WDR47: variants seen among roughly 807,000 people sequenced by gnomAD.
WDR47 encodes the protein WD repeat domain 47, also known as WD repeat-containing protein 47.
A neutral mutation model predicts 97.2 loss-of-function variants in WDR47; 32 were observed. The ratio of observed to expected loss-of-function variants is 0.33; its 90% confidence interval spans 0.25 to 0.44. The LOEUF is 0.44. Ranked by LOEUF, WDR47 falls within the 20% of genes least tolerant of loss-of-function variation. The pLI is 1.00. For synonymous variants in WDR47, 375 were observed against 373.5 expected (o/e 1.00, Z -0.05); for missense variants, 782 against 1,102.3 (o/e 0.71, Z 4.11).
chr1:108,994,039 T>C (rs1328773676), intron 8 of WDR47, among the ~76,000 whole-genome samples: 1 of 151,890 alleles, frequency 6.6e-6, no homozygotes, highest in Non-Finnish European at 1.5e-5. Flanking sequence ...ATACTGAAAA[T>C]AAGGGATAGA....
chr1:108,981,676 G>A (rs1336420386), intron 13 of WDR47, 57 bp downstream of exon 13: 1 of 1,520,942 alleles, frequency 6.6e-7, no homozygotes, highest in Non-Finnish European at 8.9e-7. Context: ...AGAAGAAGTA[G>A]ACTAGTCTAA....
At chr1:109,041,141 C>A (rs560786108) in intron 1 of WDR47, among the ~76,000 whole-genome samples, 16 of 152,108 alleles carry the variant, frequency 1.1e-4, no homozygotes, top group African/African-American at 3.4e-4. Context: ...GCCCCCGCCC[C>A]CTTTGCCCAT....
chr1:109,028,763 T>C (rs1662406242), intron 1 of WDR47, among the ~76,000 whole-genome samples: 1 of 152,088 alleles, frequency 6.6e-6, no homozygotes, highest in South Asian at 2.1e-4. Flanking sequence ...AAAAAACTTT[T>C]TTTAAAAAAC....
At chr1:109,014,259 T>C (rs897762620) in intron 3 of WDR47, among the ~76,000 whole-genome samples, 1 of 152,148 alleles carries the variant, frequency 6.6e-6, no homozygotes, top group Non-Finnish European at 1.5e-5. Flanking sequence ...AATAATAGTA[T>C]ATATTTATGG....
intron 3 of WDR47, among the ~76,000 whole-genome samples, chr1:109,014,672 C>A (rs1661290761): frequency 1.3e-5 from 2 of 152,068 alleles, no homozygotes; most frequent in Non-Finnish European, 2.9e-5. Context: ...TGGCTTCAAG[C>A]AATTCTCCTG....
At chr1:108,990,082 T>C (rs1490125200) in intron 9 of WDR47, among the ~76,000 whole-genome samples, 1 of 152,114 alleles carries the variant, frequency 6.6e-6, no homozygotes, top group Non-Finnish European at 1.5e-5. Flanking sequence ...GAAAATCAGG[T>C]CAGGTGCAGT....
chr1:109,002,072 G>T, intron 7 of WDR47, 152 bp downstream of exon 7: 2 of 846,120 alleles, frequency 2.4e-6, no homozygotes, highest in Non-Finnish European at 1.7e-6. Context: ...CCCTCGGAAT[G>T]CTGTGACTAG....
chr1:108,976,478 C>T (rs959046547), intron 13 of WDR47, among the ~76,000 whole-genome samples: 1 of 151,890 alleles, frequency 6.6e-6, no homozygotes, highest in Admixed American at 6.6e-5. Context: ...AATCTTCATT[C>T]GTTTACTCAA....
chr1:109,009,858 C>T (rs561257052), intron 5 of WDR47, among the ~76,000 whole-genome samples: 2 of 151,982 alleles, frequency 1.3e-5, no homozygotes, highest in African/African-American at 2.4e-5. Context: ...ATTAGTTGGG[C>T]GTGGTGGCGG....
At chr1:108,992,520 A>G in intron 8 of WDR47, 1 of 1,513,048 alleles carries the variant, frequency 6.6e-7, no homozygotes, top group South Asian at 1.1e-5. Context: ...GGCTGGACAC[A>G]AGGTCGGTGG....
intron 3 of WDR47, among the ~76,000 whole-genome samples, chr1:109,015,965 AGAGT>A (rs1661383602): frequency 1.4e-5 from 2 of 141,204 alleles, no homozygotes; most frequent in Admixed American, 7.4e-5. Context: ...CCTGGGTGAC[AGAGT>A]GAGACTCCAT....
At chr1:108,980,468 CCT>C (rs1437788333) in intron 13 of WDR47, among the ~76,000 whole-genome samples, 1 of 152,142 alleles carries the variant, frequency 6.6e-6, no homozygotes, top group Non-Finnish European at 1.5e-5. Context: ...GTAGCTCACA[CCT>C]GTAATCCCAG....
chr1:109,014,162 C>T (rs1457929088), intron 3 of WDR47, among the ~76,000 whole-genome samples: 2 of 152,006 alleles, frequency 1.3e-5, no homozygotes, highest in Non-Finnish European at 2.9e-5. Context: ...TGGAAGATAT[C>T]AAATGTTACC....
chr1:109,010,555 C>G (rs1223643928), intron 5 of WDR47, among the ~76,000 whole-genome samples: 2 of 150,818 alleles, frequency 1.3e-5, no homozygotes, highest in Non-Finnish European at 3.0e-5. Flanking sequence ...ATTAGATTAT[C>G]TCAAACTTCT....
At chr1:108,997,460 G>T (rs1288830243) in intron 7 of WDR47, among the ~76,000 whole-genome samples, 9 of 150,918 alleles carry the variant, frequency 6.0e-5, no homozygotes, top group Non-Finnish European at 1.3e-4. Flanking sequence ...GAAAAAAAAG[G>T]AAAGAAAGAA....
intron 4 of WDR47, 37 bp downstream of exon 4, chr1:109,013,804 A>T (rs1048162319): frequency 5.1e-5 from 81 of 1,603,762 alleles, no homozygotes; most frequent in Non-Finnish European, 6.8e-5. Flanking sequence ...ACTGAAAACA[A>T]GACTAGGGCG....
chr1:109,012,100 A>G (rs543825910), intron 4 of WDR47, among the ~76,000 whole-genome samples: 2 of 152,254 alleles, frequency 1.3e-5, no homozygotes, highest in East Asian at 1.9e-4. Context: ...GGTGTGCCAC[A>G]CTGTGCCCAG....
chr1:109,017,611 A>C lies in WDR47; in HGVS notation c.159-10T>G, dbSNP rs767596288. 20 of 1,600,964 alleles carry C rather than the reference A, an allele frequency of 1.2e-5. No homozygotes were observed. In the South Asian group the frequency reaches 1.9e-4, roughly 15 times the overall value. On this transcript the variant is annotated splice_polypyrimidine_tract_variant and intron_variant, in intron 2 of 14. Coordinates refer to ENST00000369962, the MANE Select transcript of WDR47 (RefSeq NM_001142551.2). ...ATCAAGTATTAGCTGCCTAAATAAA[A>C]AATTTAAAAAAACCAGCATGTCACC... is the stretch of plus-strand genomic sequence containing the variant.
At chr1:108,997,154 G>A (rs185448964) in intron 7 of WDR47, among the ~76,000 whole-genome samples, 22 of 151,456 alleles carry the variant, frequency 1.5e-4, no homozygotes, top group African/African-American at 5.3e-4. Context: ...GGCCAGGAGC[G>A]ATGGCTCACG....
Sources: allele counts gnomAD v4.1 joint callset (sites outside exome capture counted in the v4.1 genomes callset), GRCh38; gene constraint gnomAD v4.1.1; transcripts MANE v1.5; gene names NCBI Gene and HGNC (gene_info 2026-07-23, HGNC 2026-07-21).